Variants in TXNL4A observed in about 807,000 individuals in gnomAD.
TXNL4A encodes the protein thioredoxin like 4A.
A neutral mutation model predicts 14.6 loss-of-function variants in TXNL4A; 17 were observed. That is an observed-to-expected ratio of 1.16 (90% CI 0.80 to 1.74). The LOEUF (loss-of-function observed/expected upper bound fraction) is 1.74. TXNL4A is among the 40% of genes most tolerant of loss of function. The pLI, the probability that TXNL4A is intolerant of heterozygous loss-of-function variation, is 0.00. For missense variants in TXNL4A, 74 were observed against 195.2 expected (o/e 0.38, Z 3.70); for synonymous variants, 83 against 70.6 (o/e 1.18, Z -0.88).
chr18:80,032,129 TTTTTTTCCTC>T (rs2051925481), intron 1 of TXNL4A, among the ~76,000 whole-genome samples: 1 of 152,086 alleles, frequency 6.6e-6, no homozygotes, highest in Non-Finnish European at 1.5e-5. Flanking sequence ...TACATTTTTC[TTTTTTTCCTC>T]TTTTTTCCTT....
At chr18:80,013,120 AAAT>A (rs938060406) in intron 1 of TXNL4A, among the ~76,000 whole-genome samples, 27 of 124,518 alleles carry the variant, frequency 2.2e-4, no homozygotes, top group African/African-American at 3.6e-4. Context: ...GGAAAAAAAA[AAAT>A]TTTTTTTTTT....
chr18:79,974,319 T>C (rs1825152763), intron 2 of TXNL4A, among the ~76,000 whole-genome samples: 1 of 152,218 alleles, frequency 6.6e-6, no homozygotes, highest in Admixed American at 6.5e-5. Context: ...ATGACATAAA[T>C]TGTATTAAAA....
chr18:79,976,965 GA>G (rs2051388858), intron 2 of TXNL4A, among the ~76,000 whole-genome samples: 1 of 56,606 alleles, frequency 1.8e-5, no homozygotes, highest in Non-Finnish European at 4.6e-5. Flanking sequence ...TTAGGTTTTT[GA>G]TTTTTTTTTT....
chr18:79,981,828 G>A lies in TXNL4A; in HGVS notation c.154-4127C>T, dbSNP rs111363676. ...CTACCACATAAAGCTCACGTGCCAC[G>A]AGAACGTGAACATCCTCTGATTTCA... On this transcript the variant is annotated intron_variant, in intron 1 of 2. Transcript: ENST00000269601. Among the ~76,000 whole-genome samples the A allele has an allele frequency of 5.1e-3, 784 of 152,336 alleles. 6 individuals are homozygous for A. The highest frequency in any genetic ancestry group is 0.018 in the African/African-American group (736 of 41,580).
chr18:79,979,561 G>C (rs1383216394), intron 1 of TXNL4A: 3 of 152,894 alleles, frequency 2.0e-5, no homozygotes, highest in Non-Finnish European at 2.9e-5. Context: ...GTTCCCCTTT[G>C]CCTTCTGCCA....
chr18:79,984,716 T>C (rs1287286402), intron 1 of TXNL4A, among the ~76,000 whole-genome samples: 2 of 152,210 alleles, frequency 1.3e-5, no homozygotes, highest in Non-Finnish European at 2.9e-5. Context: ...CCTGAGCTCA[T>C]ACTCTGTCTT....
At chr18:79,976,579 G>A (rs115247658) in intron 2 of TXNL4A, 5,652 of 290,794 alleles carry the variant, frequency 0.019, 95 homozygotes, top group African/African-American at 0.051. Context: ...GGAATCCAGC[G>A]GGCCCTGCCT....
Position 79,982,898 on chromosome 18 carries a change from T to C in TXNL4A, c.154-5197A>G, listed in dbSNP as rs944515958. On this transcript the variant is annotated intron_variant, in intron 1 of 2. Transcript: ENST00000269601. The surrounding 1 kb of genome is among the most constrained non-coding windows in gnomAD (Gnocchi z 4.0). ...TCAGCAAACATCCAGCAGCATCTGCTGGTGGCGACATTTCCACGGTAACCA... is the reference window on the plus strand; with the variant it reads ...TCAGCAAACATCCAGCAGCATCTGCCGGTGGCGACATTTCCACGGTAACCA... Among the ~76,000 whole-genome samples the C allele has an allele frequency of 6.6e-6, 1 of 152,156 alleles. No individual in the cohort carries two copies. Among genetic ancestry groups the C allele is most frequent in the Admixed American group, 6.5e-5 (1 of 15,274 alleles).
chr18:79,994,661 C>T (rs1237572314), intron 1 of TXNL4A, among the ~76,000 whole-genome samples: 1 of 152,128 alleles, frequency 6.6e-6, no homozygotes, highest in Admixed American at 6.5e-5. Context: ...GAAAGATCAC[C>T]TCATCTCCCT....
At chr18:80,002,181 C>A (rs1354491431) in intron 1 of TXNL4A, among the ~76,000 whole-genome samples, 1 of 152,156 alleles carries the variant, frequency 6.6e-6, no homozygotes, top group Non-Finnish European at 1.5e-5. Context: ...CTCTTGCCTG[C>A]TACCATGTGA....
intron 1 of TXNL4A, among the ~76,000 whole-genome samples, chr18:79,984,065 A>G (rs1374687797): frequency 2.0e-5 from 3 of 152,044 alleles, no homozygotes; most frequent in Non-Finnish European, 4.4e-5. Context: ...ATCACCCCTC[A>G]TACCTTGTGG....
intron 1 of TXNL4A, among the ~76,000 whole-genome samples, chr18:80,022,318 T>C (rs1348894980): frequency 6.6e-6 from 1 of 152,200 alleles, no homozygotes; most frequent in Non-Finnish European, 1.5e-5. Flanking sequence ...GTTTTTTTCT[T>C]GACTCTGGGG....
At chr18:79,978,578 C>T (rs889333036) in intron 1 of TXNL4A, among the ~76,000 whole-genome samples, 1 of 152,134 alleles carries the variant, frequency 6.6e-6, no homozygotes. Context: ...ACTGCAACCT[C>T]TGCCTCCTGG....
chr18:80,010,284 A>G (rs1216113151), intron 1 of TXNL4A, among the ~76,000 whole-genome samples: 3 of 151,936 alleles, frequency 2.0e-5, no homozygotes, highest in Non-Finnish European at 2.9e-5. Flanking sequence ...TATGAACTGG[A>G]AAGAGGAAGA....
At chr18:80,009,309 GCT>G (rs2051754112) in intron 1 of TXNL4A, among the ~76,000 whole-genome samples, 1 of 152,184 alleles carries the variant, frequency 6.6e-6, no homozygotes, top group African/African-American at 2.4e-5. Flanking sequence ...CTCAGTTATT[GCT>G]CTGTTGGGCA....
chr18:80,001,223 T>C (rs750445287), intron 1 of TXNL4A, among the ~76,000 whole-genome samples: 7 of 152,204 alleles, frequency 4.6e-5, no homozygotes, highest in Non-Finnish European at 1.0e-4. Context: ...ATGTGGAGCC[T>C]GTGGGTGCAC....
chr18:80,024,159 T>TG (rs1168723643), intron 1 of TXNL4A, among the ~76,000 whole-genome samples: 20 of 150,194 alleles, frequency 1.3e-4, no homozygotes, highest in African/African-American at 3.9e-4. Flanking sequence ...GTTTCTCAGC[T>TG]GGGGGGGTCT....
At chr18:79,978,349 A>C (rs918430164) in intron 1 of TXNL4A, among the ~76,000 whole-genome samples, 1 of 152,198 alleles carries the variant, frequency 6.6e-6, no homozygotes, top group Non-Finnish European at 1.5e-5. Flanking sequence ...AACACTTGCA[A>C]ATATTAATAG....
chr18:80,003,548 G>A (rs750139190), intron 1 of TXNL4A, among the ~76,000 whole-genome samples: 2 of 151,806 alleles, frequency 1.3e-5, no homozygotes, highest in Admixed American at 6.6e-5. Flanking sequence ...TTTTTTTGTT[G>A]TTGTTAATAT....
Sources: gnomAD v4.1 joint callset for allele counts (sites outside exome capture counted in the v4.1 genomes callset) on GRCh38, gnomAD v4.1.1 for gene constraint, Gnocchi (gnomAD v3.1) non-coding constraint, MANE v1.5 for transcripts, NCBI Gene and HGNC (gene_info 2026-07-23, HGNC 2026-07-21) for gene names.